Variants in MYBPC1 observed in about 807,000 individuals in gnomAD.
MYBPC1 encodes myosin-binding protein C, slow-type.
Under a neutral mutation model 147.1 loss-of-function variants are expected in MYBPC1, and 52 were observed. The observed-to-expected ratio is 0.35, with a 90% CI of 0.28 to 0.45. The LOEUF (loss-of-function observed/expected upper bound fraction) is 0.45, where lower values mean the gene tolerates loss of function less well. MYBPC1 is among the 20% of genes least tolerant of loss of function. The probability of loss-of-function intolerance (pLI) is 1.00; values close to 1 mark genes in which losing one functional copy is unlikely to be tolerated. For synonymous variants in MYBPC1, 477 were observed against 475.9 expected (o/e 1.00, Z -0.03); for missense variants, 1,228 against 1,440.3 (o/e 0.85, Z 2.39).
intron 1 of MYBPC1, among the ~76,000 whole-genome samples, chr12:101,606,929 A>G (rs1882432098): frequency 6.6e-6 from 1 of 151,994 alleles, no homozygotes; most frequent in Non-Finnish European, 1.5e-5. Context: ...AGCTCAAGCA[A>G]TCTTCCCACC....
chr12:101,642,993 A>G (rs1404003567), intron 11 of MYBPC1, among the ~76,000 whole-genome samples: 1 of 152,174 alleles, frequency 6.6e-6, no homozygotes, highest in Non-Finnish European at 1.5e-5. Flanking sequence ...AATGTTTTGT[A>G]AAACCAATAA....
rs1167765260 is a variant in MYBPC1, at chr12:101,661,159, C to G, written c.1929C>G (p.Asp643Glu). The G allele has an allele frequency of 1.2e-6, 2 of 1,612,112 alleles. No homozygotes were observed. Among genetic ancestry groups the G allele is most frequent in the South Asian group, 2.2e-5 (2 of 90,982 alleles). The change falls in exon 20 of 32, where the codon GAC becomes GAG. Residue 643 changes from aspartate to glutamate, a missense_variant and splice_region_variant. This residue lies in a region of MYBPC1 where 1,077 missense variants were observed against 1,314.2 expected (regional missense o/e 0.82). Coordinates refer to ENST00000361466, the MANE Select transcript of MYBPC1 (RefSeq NM_002465.4). ...AHASIKVKVV[D>E]FPDPPVAPTV... ...TATCCTATTTTTTGTCTGCCACAGA[C>G]TTCCCTGATCCTCCAGTGGCACCGA... is the stretch of plus-strand genomic sequence containing the variant.
chr12:101,688,542 G>T (rs537219865), downstream of MYBPC1, among the ~76,000 whole-genome samples: 1 of 150,594 alleles, frequency 6.6e-6, no homozygotes, highest in East Asian at 2.0e-4. Flanking sequence ...TTGGAACAAG[G>T]TAATATGCCC....
intron 5 of MYBPC1, 38 bp downstream of exon 5, chr12:101,627,842 C>A (rs374490121): frequency 6.3e-7 from 1 of 1,585,996 alleles, no homozygotes; most frequent in Non-Finnish European, 8.7e-7. Flanking sequence ...TGACCTCATC[C>A]TAATACAATC....
intron 1 of MYBPC1, among the ~76,000 whole-genome samples, chr12:101,608,786 T>C (rs1883218962): frequency 6.6e-6 from 1 of 152,070 alleles, no homozygotes; most frequent in Non-Finnish European, 1.5e-5. Flanking sequence ...CCCTAATTGC[T>C]CTCCTGCCCT....
intron 24 of MYBPC1, among the ~76,000 whole-genome samples, chr12:101,670,668 A>G (rs1357114330): frequency 1.3e-5 from 2 of 152,236 alleles, no homozygotes; most frequent in Non-Finnish European, 2.9e-5. Context: ...CTCAGCGACT[A>G]TGGTGGGCAG....
chr12:101,609,015 G>A (rs1883299443), intron 1 of MYBPC1, among the ~76,000 whole-genome samples: 1 of 152,090 alleles, frequency 6.6e-6, no homozygotes, highest in Non-Finnish European at 1.5e-5. Context: ...GGGAGGAACA[G>A]CCTGCCAGTC....
At chr12:101,670,843 A>C (rs949473725) in intron 24 of MYBPC1, among the ~76,000 whole-genome samples, 10 of 152,236 alleles carry the variant, frequency 6.6e-5, no homozygotes, top group Non-Finnish European at 1.3e-4. Context: ...AATTTCAATA[A>C]GGGGGACAAC....
chr12:101,650,652 T>C (rs1304191621), intron 15 of MYBPC1, among the ~76,000 whole-genome samples: 1 of 152,092 alleles, frequency 6.6e-6, no homozygotes, highest in Non-Finnish European at 1.5e-5. Context: ...CAATTCAAGA[T>C]GAGATTTAGG....
intron 7 of MYBPC1, 29 bp from the exon 8 acceptor site, chr12:101,631,992 T>A (rs372362834): frequency 6.5e-7 from 1 of 1,531,422 alleles, no homozygotes; most frequent in African/African-American, 1.4e-5. Flanking sequence ...TAAACTGAAA[T>A]GTGTGTGTCT....
chr12:101,690,159 G>A (rs900888967), downstream of MYBPC1, among the ~76,000 whole-genome samples: 8 of 152,046 alleles, frequency 5.3e-5, no homozygotes, highest in Non-Finnish European at 1.2e-4. Flanking sequence ...TGAGCAGCAA[G>A]AGTGAGACTC....
At chr12:101,693,558 T>A in the MYBPC1 span, among the ~76,000 whole-genome samples, 1 of 152,108 alleles carries the variant, frequency 6.6e-6, no homozygotes, top group African/African-American at 2.4e-5. Flanking sequence ...CTGGCCAACA[T>A]GGCGAAACCC....
intron 1 of MYBPC1, among the ~76,000 whole-genome samples, chr12:101,606,286 C>T (rs1306593171): frequency 2.0e-5 from 3 of 151,806 alleles, no homozygotes; most frequent in Non-Finnish European, 4.4e-5. Context: ...TATCATTACA[C>T]ATTATGTATC....
At chr12:101,668,861 C>G (rs531413024) in intron 23 of MYBPC1, among the ~76,000 whole-genome samples, 7 of 152,200 alleles carry the variant, frequency 4.6e-5, no homozygotes, top group African/African-American at 1.7e-4. Flanking sequence ...CTGAGGCGGG[C>G]AGATCACTTA....
intron 3 of MYBPC1, among the ~76,000 whole-genome samples, chr12:101,620,110 T>A (rs1029922532): frequency 2.6e-5 from 4 of 152,186 alleles, no homozygotes; most frequent in African/African-American, 9.7e-5. Context: ...TACTGACCAC[T>A]TTGTCCTGGG....
Position 101,646,294 on chromosome 12 carries a change from G to GT in MYBPC1, c.966-458dup, listed in dbSNP as rs963744633. ...TTAAGTATTATAAAGATAAAAATTG[G>GT]TTTTTTTTTTTGGTTTGACGTTAAA... On this transcript the variant is annotated intron_variant, in intron 12 of 31. Transcript: ENST00000361466. Among the ~76,000 whole-genome samples, 945 of 146,484 alleles carry GT rather than the reference G, an allele frequency of 6.5e-3. 10 individuals are homozygous for GT. The highest frequency in any genetic ancestry group is 0.018 in the African/African-American group (741 of 40,108).
In MYBPC1 at chr12:101,623,000, A is replaced by C. The variant is rs536517581; in HGVS notation, c.104-3872A>C. Among the ~76,000 whole-genome samples the C allele has an allele frequency of 3.3e-5, 5 of 152,320 alleles. No homozygotes were observed. In the South Asian group the frequency reaches 1.0e-3, roughly 32 times the overall value. ...TGTCCTCCAAATAGTCTTAACATTT[A>C]GTAGACTTTGAAACTACTCACCTAT... On this transcript the variant is annotated intron_variant, in intron 3 of 31. Transcript: ENST00000361466.
rs895912907 is a variant in MYBPC1, at chr12:101,680,621, T to C, written c.3433+92T>C. On this transcript the variant is annotated intron_variant, in intron 29 of 31. Transcript: ENST00000361466. ...GCTTATTGTTCTTAATCCAAATTGCTTGCCAAAATGCTGCAGCGAGGGTGG... is the reference window on the plus strand; with the variant it reads ...GCTTATTGTTCTTAATCCAAATTGCCTGCCAAAATGCTGCAGCGAGGGTGG... 6.6e-6 allele frequency: 10 copies of C among 1,522,518 alleles called. No individual in the cohort carries two copies. The Admixed American group carries it at 1.0e-4, about 16-fold the overall frequency. The allele number at this position is 1,522,518 out of a possible 1,614,324, so 94.3% of individuals were successfully genotyped here.
At chr12:101,669,941 A>AG in intron 23 of MYBPC1, 2 of 239,390 alleles carry the variant, frequency 8.4e-6, no homozygotes, top group South Asian at 2.8e-5. Context: ...AAAAAAAAAG[A>AG]AAAAAAAAAA....
Sources: gnomAD v4.1 joint callset for allele counts (sites outside exome capture counted in the v4.1 genomes callset) on GRCh38, gnomAD v4.1.1 for gene constraint, gnomAD v4.1.1 regional missense constraint, MANE v1.5 for transcripts, NCBI Gene and HGNC (gene_info 2026-07-23, HGNC 2026-07-21) for gene names.